The following EXT1 variants were observed in gnomAD, a reference collection of about 807,000 sequenced individuals.
The protein encoded by EXT1 is exostosin glycosyltransferase 1, also known as exostosin-1.
In EXT1, 20 loss-of-function variants were observed where a neutral mutation model predicts 82.5. The ratio of observed to expected loss-of-function variants is 0.24; its 90% confidence interval spans 0.17 to 0.35. The LOEUF is 0.35. EXT1 is among the 10% of genes least tolerant of loss of function. The probability of loss-of-function intolerance (pLI) is 1.00; values close to 1 mark genes in which losing one functional copy is unlikely to be tolerated. For missense variants in EXT1, 757 were observed against 936.5 expected, an observed-to-expected ratio of 0.81 and a Z score of 2.50; for synonymous variants, 348 against 350.8, an observed-to-expected ratio of 0.99 and a Z score of 0.09.
At chr8:118,077,111 C>T (rs192487545) in intron 1 of EXT1, among the ~76,000 whole-genome samples, 7 of 152,238 alleles carry the variant, frequency 4.6e-5, no homozygotes. Flanking sequence ...AATGATTCTA[C>T]CAAGTCCAGA....
At position 117,946,046 on chromosome 8, in the gene EXT1, C is replaced by T. The variant is rs1393920635; in HGVS notation, c.963-108845G>A. Reference sequence around the variant, plus strand: ...GTCTCCTGAGCTGGGATTATAGGCGCGTGCCACCATGCCCGGCTAATTTTA... The same window carrying T: ...GTCTCCTGAGCTGGGATTATAGGCGTGTGCCACCATGCCCGGCTAATTTTA... On this transcript the variant is annotated intron_variant, in intron 1 of 10. Transcript: ENST00000378204. Among the ~76,000 whole-genome samples the T allele has an allele frequency of 5.9e-5, 9 of 152,120 alleles. No homozygotes were observed. In the East Asian group the frequency reaches 1.2e-3, roughly 20 times the overall value.
At chr8:118,108,756 T>C (rs1026970061) in intron 1 of EXT1, among the ~76,000 whole-genome samples, 8 of 152,312 alleles carry the variant, frequency 5.3e-5, no homozygotes, top group African/African-American at 1.9e-4. Flanking sequence ...CCCTAGTGTC[T>C]GAAAAAATGC....
chr8:118,043,469 C>G (rs1399782224), intron 1 of EXT1, among the ~76,000 whole-genome samples: 2 of 152,210 alleles, frequency 1.3e-5, no homozygotes, highest in Admixed American at 1.3e-4. Flanking sequence ...AGACTAATGC[C>G]ATCACATGTG....
At position 117,854,350 on chromosome 8, in the gene EXT1, T is replaced by C. The variant is rs761007068; in HGVS notation, c.963-17149A>G. On this transcript the variant is annotated intron_variant, in intron 1 of 10. Coordinates refer to ENST00000378204, the MANE Select transcript of EXT1 (RefSeq NM_000127.3). Reference sequence around the variant, plus strand: ...CAAAGTAAGGATCATATTGTGAAGGTAGACCAGGCCAAACCATTGCCACCT... The same window carrying C: ...CAAAGTAAGGATCATATTGTGAAGGCAGACCAGGCCAAACCATTGCCACCT... 4.1e-4 allele frequency among the ~76,000 whole-genome samples: 62 copies of C among 152,058 alleles called. 1 individual carries two copies. The highest frequency in any genetic ancestry group is 1.3e-4 in the Non-Finnish European group (9 of 68,016).
intron 1 of EXT1, among the ~76,000 whole-genome samples, chr8:117,851,396 G>A (rs1247198044): frequency 1.3e-5 from 2 of 150,974 alleles, no homozygotes; most frequent in African/African-American, 2.4e-5. Context: ...AAAAAAGTGA[G>A]GTTTCATTCT....
chr8:118,093,960 T>C (rs1180935955), intron 1 of EXT1, among the ~76,000 whole-genome samples: 1 of 152,232 alleles, frequency 6.6e-6, no homozygotes, highest in Non-Finnish European at 1.5e-5. Context: ...TAGAAAGTCA[T>C]TCACTGTTAT....
At chr8:118,060,164 C>G (rs1202121839) in intron 1 of EXT1, among the ~76,000 whole-genome samples, 2 of 152,124 alleles carry the variant, frequency 1.3e-5, no homozygotes, top group African/African-American at 2.4e-5. Context: ...CTTTCTTATG[C>G]GTTATGTTCT....
intron 1 of EXT1, among the ~76,000 whole-genome samples, chr8:118,101,134 C>T (rs1272221353): frequency 2.0e-5 from 3 of 152,158 alleles, no homozygotes; most frequent in Admixed American, 1.3e-4. Flanking sequence ...TTACAAGGTA[C>T]AGTCTCACAT....
chr8:117,990,252 T>G (rs1815406540), intron 1 of EXT1, among the ~76,000 whole-genome samples: 1 of 152,204 alleles, frequency 6.6e-6, no homozygotes, highest in African/African-American at 2.4e-5. Flanking sequence ...TTCCTGCCCT[T>G]GAAGACAGAA....
At chr8:118,063,101 T>A (rs1004807371) in intron 1 of EXT1, among the ~76,000 whole-genome samples, 31 of 152,168 alleles carry the variant, frequency 2.0e-4, no homozygotes, top group African/African-American at 6.8e-4. Context: ...TTAACTTGAG[T>A]TACTTTTAAA....
intron 1 of EXT1, among the ~76,000 whole-genome samples, chr8:118,097,252 C>T (rs1328859154): frequency 6.6e-6 from 1 of 152,060 alleles, no homozygotes; most frequent in East Asian, 1.9e-4. Flanking sequence ...TCAAGATCAG[C>T]CTGGCCAACA....
chr8:118,032,789 C>G (rs535440784), intron 1 of EXT1, among the ~76,000 whole-genome samples: 1 of 152,082 alleles, frequency 6.6e-6, no homozygotes, highest in Non-Finnish European at 1.5e-5. Flanking sequence ...GGATTACAGA[C>G]GTGAGCCACT....
At chr8:118,041,689 G>GGAAGGAAGGAAGGAAGGAAT (rs1816532296) in intron 1 of EXT1, among the ~76,000 whole-genome samples, 1 of 149,794 alleles carries the variant, frequency 6.7e-6, no homozygotes. Flanking sequence ...AAGGAAGGAA[G>GGAAGGAAGGAAGGAAGGAAT]GAAGGAAGGA....
chr8:117,933,304 T>C (rs1377936945), intron 1 of EXT1, among the ~76,000 whole-genome samples: 1 of 150,628 alleles, frequency 6.6e-6, no homozygotes, highest in East Asian at 2.0e-4. Flanking sequence ...TGGAGTGCAG[T>C]GGCGCCATTT....
intron 1 of EXT1, among the ~76,000 whole-genome samples, chr8:118,085,479 GT>G (rs58866328): frequency 2.9e-3 from 365 of 126,710 alleles, no homozygotes; most frequent in Non-Finnish European, 4.4e-3. Flanking sequence ...GGCTGTTTTT[GT>G]TTTTTTTTTT....
intron 1 of EXT1, among the ~76,000 whole-genome samples, chr8:118,093,970 T>C (rs1817565881): frequency 6.6e-6 from 1 of 152,264 alleles, no homozygotes; most frequent in Admixed American, 6.5e-5. Flanking sequence ...TTCACTGTTA[T>C]CGCGCTTCCT....
At position 118,088,101 on chromosome 8, in the gene EXT1, G is replaced by T. The variant is rs142034763; in HGVS notation, c.962+21984C>A. On this transcript the variant is annotated intron_variant, in intron 1 of 10. Transcript: ENST00000378204. Reference sequence around the variant, plus strand: ...ACTGCTGAATCCCCCTTCTTCTCCCGGCTGCTGCACTGAAAACATTCCCAG... The same window carrying T: ...ACTGCTGAATCCCCCTTCTTCTCCCTGCTGCTGCACTGAAAACATTCCCAG... 1.3e-3 allele frequency among the ~76,000 whole-genome samples: 197 copies of T among 152,152 alleles called. 2 individuals carry two copies. In the East Asian group the frequency reaches 0.035, roughly 27 times the overall value.
At chr8:118,004,427 AC>A (rs1477613266) in intron 1 of EXT1, among the ~76,000 whole-genome samples, 1 of 152,232 alleles carries the variant, frequency 6.6e-6, no homozygotes, top group Non-Finnish European at 1.5e-5. Context: ...GAATGAATGG[AC>A]AAATACAGGC....
chr8:117,911,789 A>G (rs1322590230), intron 1 of EXT1, among the ~76,000 whole-genome samples: 1 of 152,216 alleles, frequency 6.6e-6, no homozygotes, highest in Non-Finnish European at 1.5e-5. Flanking sequence ...TATTGTTTCA[A>G]TATCACATCA....
Sources: gnomAD v4.1 joint callset for allele counts (sites outside exome capture counted in the v4.1 genomes callset) on GRCh38, gnomAD v4.1.1 for gene constraint, MANE v1.5 for transcripts, NCBI Gene and HGNC (gene_info 2026-07-23, HGNC 2026-07-21) for gene names.